The following FSCN2 variants were observed in gnomAD, a reference collection of about 807,000 sequenced individuals.
The protein encoded by FSCN2 is fascin actin-bundling protein 2, retinal.
FSCN2 carries 46 observed loss-of-function variants against 37.8 expected under a neutral mutation model. The observed-to-expected ratio is 1.22, with a 90% CI of 0.96 to 1.56. The LOEUF is 1.56. Ranked by LOEUF, FSCN2 falls within the 40% of genes most tolerant of loss-of-function variation. The pLI, the probability that FSCN2 is intolerant of heterozygous loss-of-function variation, is 0.00. For missense variants in FSCN2, 844 were observed against 730.4 expected, an observed-to-expected ratio of 1.16 and a Z score of -1.79; for synonymous variants, 351 against 309.4, an observed-to-expected ratio of 1.13 and a Z score of -1.41.
At position 81,528,543 on chromosome 17, in the gene FSCN2, C is replaced by T. The variant is rs782669868; in HGVS notation, c.12C>T (p.Asn4=). 1.3e-5 allele frequency: 20 copies of T among 1,595,820 alleles called. No homozygotes were observed. Among genetic ancestry groups the T allele is most frequent in the East Asian group, 2.3e-5 (1 of 43,986 alleles). The change falls in exon 1 of 5, where the codon AAC becomes AAT. Residue 4 remains asparagine, a synonymous_variant. Coordinates refer to ENST00000417245, the MANE Select transcript of FSCN2 (RefSeq NM_012418.4). ...CGGCCAGCCTGAAGATGCCGACGAACGGCCTGCACCAGGTGCTGAAGATCC... is the reference window on the plus strand; with the variant it reads ...CGGCCAGCCTGAAGATGCCGACGAATGGCCTGCACCAGGTGCTGAAGATCC... MPT[N]GLHQVLKIQF... is the part of the protein sequence containing the mutation.
At position 81,528,552 on chromosome 17, in the gene FSCN2, C is replaced by G. The variant is rs1296154486; in HGVS notation, c.21C>G (p.His7Gln). MPTNGL[H>Q]QVLKIQFGLV... ...TGAAGATGCCGACGAACGGCCTGCA[C>G]CAGGTGCTGAAGATCCAGTTTGGCC... is the stretch of plus-strand genomic sequence containing the variant. Residue 7 changes from histidine to glutamine, a missense_variant, in exon 1 of 5, where the codon CAC becomes CAG. By Grantham distance (24) the His-to-Gln change is conservative. Transcript: ENST00000417245. 1 of 1,602,596 alleles carries G rather than the reference C, an allele frequency of 6.2e-7. No individual in the cohort carries two copies. Among genetic ancestry groups the G allele is most frequent in the East Asian group, 2.3e-5 (1 of 44,318 alleles).
chr17:81,529,234 G>A lies in FSCN2; in HGVS notation c.703G>A (p.Ala235Thr), dbSNP rs199541595. The change falls in exon 1 of 5, where the codon GCA becomes ACA. Residue 235 changes from alanine to threonine, a missense_variant. Physicochemically the swap from Ala to Thr is moderately conservative, Grantham distance 58 (BLOSUM62 0). Transcript: ENST00000417245. ...DGHYLAPVGPAGTLKAGRNTR... is the reference protein window; with the variant it reads ...DGHYLAPVGPTGTLKAGRNTR... Reference sequence around the variant, plus strand: ...CCACTACCTGGCACCCGTGGGGCCCGCAGGCACCCTCAAGGCCGGCCGAAA... The same window carrying A: ...CCACTACCTGGCACCCGTGGGGCCCACAGGCACCCTCAAGGCCGGCCGAAA... 1.1e-4 allele frequency: 169 copies of A among 1,598,894 alleles called. No individual in the cohort carries two copies. The African/African-American group carries it at 1.6e-3, about 16-fold the overall frequency.
rs781847534 is a variant in FSCN2, at chr17:81,528,966, C to T, written c.435C>T (p.Ser145=). 1.3e-5 allele frequency: 21 copies of T among 1,587,610 alleles called. No individual in the cohort carries two copies. In the Admixed American group the frequency reaches 1.6e-4, roughly 12 times the overall value. The change falls in exon 1 of 5, where the codon AGC becomes AGT. Residue 145 remains serine, a synonymous_variant. Transcript: ENST00000417245. The stretch of plus-strand genomic sequence containing the variant: ...TCCACCCGCAGGCCCACCTGCTGAG[C>T]GTGAGCCGGCGGCGCTACGTGCACC... ...LAIHPQAHLL[S]VSRRRYVHLC...
At chr17:81,516,381 C>T in the FSCN2 span, among the ~76,000 whole-genome samples, 1 of 152,206 alleles carries the variant, frequency 6.6e-6, no homozygotes, top group Non-Finnish European at 1.5e-5. Flanking sequence ...GTTTAAAGTT[C>T]TCCCATAATA....
At chr17:81,527,069 G>A (rs1189625416), upstream of FSCN2, 1 of 152,326 alleles carries the variant, frequency 6.6e-6, no homozygotes, top group African/African-American at 2.4e-5. Flanking sequence ...GCCTGGCACG[G>A]TTGCTGTCCA....
At chr17:81,532,296 A>ATGATGGTGGTGATGATGATGT (rs1257464904) in intron 1 of FSCN2, among the ~76,000 whole-genome samples, 1 of 98,858 alleles carries the variant, frequency 1.0e-5, no homozygotes, top group African/African-American at 3.8e-5. Flanking sequence ...GGTGGTGATG[A>ATGATGGTGGTGATGATGATGT]TGATGATAGT....
At chr17:81,536,001 G>A (rs2032864696) in intron 2 of FSCN2, 145 bp from the exon 3 acceptor site, 1 of 994,600 alleles carries the variant, frequency 1.0e-6, no homozygotes, top group Non-Finnish European at 1.5e-6. Context: ...AGCCCACTGG[G>A]GCAGGGTAGC....
chr17:81,532,790 T>A (rs916573679), intron 1 of FSCN2, among the ~76,000 whole-genome samples: 1 of 121,028 alleles, frequency 8.3e-6, no homozygotes, highest in African/African-American at 3.2e-5. Context: ...GCTGACAGAG[T>A]GGTGGAGGGA....
intron 1 of FSCN2, among the ~76,000 whole-genome samples, chr17:81,531,636 G>A (rs1414166931): frequency 1.1e-3 from 124 of 116,392 alleles, no homozygotes; most frequent in African/African-American, 3.9e-3. Context: ...GGTGGTGATG[G>A]TGGTGGTGGT....
Position 81,531,824 on chromosome 17 carries a change from GGTGGTGGTGGTGA to G in FSCN2, c.826+2468_826+2480del, listed in dbSNP as rs2032640584. Among the ~76,000 whole-genome samples, 12 of 141,396 alleles carry G rather than the reference GGTGGTGGTGGTGA, an allele frequency of 8.5e-5. 1 individual carries two copies. The highest frequency in any genetic ancestry group is 3.1e-4 in the African/African-American group (11 of 35,328). The allele number at this position is 141,396 out of a possible 152,430, so 92.8% of individuals were successfully genotyped here. On this transcript the variant is annotated intron_variant, in intron 1 of 4. Coordinates refer to ENST00000417245, the MANE Select transcript of FSCN2 (RefSeq NM_012418.4). ...TAATGGTGATGATGGTGGTGGTGAT[GGTGGTGGTGGTGA>G]TGGTGGTGATGGTGATGGTGGTGAT...
chr17:81,519,541 C>T, the FSCN2 span, among the ~76,000 whole-genome samples: 4 of 152,184 alleles, frequency 2.6e-5, no homozygotes, highest in African/African-American at 4.8e-5. Flanking sequence ...CCGCTATCGC[C>T]GCGAGGCCGC....
chr17:81,526,933 C>A (rs782131399), upstream of FSCN2: 1 of 152,414 alleles, frequency 6.6e-6, no homozygotes, highest in Non-Finnish European at 1.5e-5. Context: ...CAGGCCCTGG[C>A]GTCGTGGCGT....
At chr17:81,532,017 GTGA>G (rs546490392) in intron 1 of FSCN2, among the ~76,000 whole-genome samples, 12 of 108,922 alleles carry the variant, frequency 1.1e-4, no homozygotes, top group African/African-American at 2.4e-4. Flanking sequence ...GGTAGTGGTG[GTGA>G]TGATAGTGAT....
chr17:81,530,107 G>A, intron 1 of FSCN2: 2 of 270,968 alleles, frequency 7.4e-6, no homozygotes, highest in Non-Finnish European at 1.5e-5. Context: ...ACCGTGCCCG[G>A]CTGCATTTTC....
At chr17:81,531,327 G>GTGGTGA (rs879999741) in intron 1 of FSCN2, among the ~76,000 whole-genome samples, 50,221 of 103,490 alleles carry the variant, frequency 0.49, 11,458 homozygotes, top group East Asian at 0.68. Flanking sequence ...GATGATGGTG[G>GTGGTGA]TGGTGGTGAT....
intron 1 of FSCN2, among the ~76,000 whole-genome samples, chr17:81,531,948 ATGATGGTGATGG>A (rs1278270987): frequency 9.4e-6 from 1 of 106,366 alleles, no homozygotes. Flanking sequence ...AATGGTGATG[ATGATGGTGATGG>A]TGATAGTGAT....
the FSCN2 span, among the ~76,000 whole-genome samples, chr17:81,517,072 G>A: frequency 1.3e-5 from 2 of 152,096 alleles, no homozygotes; most frequent in Admixed American, 6.5e-5. Context: ...GGTTCTGGAG[G>A]GCGGTGTGGG....
At chr17:81,532,143 ATGG>A (rs1433083975) in intron 1 of FSCN2, among the ~76,000 whole-genome samples, 5 of 131,330 alleles carry the variant, frequency 3.8e-5, no homozygotes, top group East Asian at 2.5e-4. Context: ...GATGGTGATG[ATGG>A]TGATGGTGAT....
intron 1 of FSCN2, chr17:81,530,175 G>A (rs1555671054): frequency 3.5e-6 from 1 of 285,260 alleles, no homozygotes; most frequent in Non-Finnish European, 7.0e-6. Flanking sequence ...TGGGGATCGG[G>A]CGGGGATAGC....
Sources: gnomAD v4.1 joint callset for allele counts (sites outside exome capture counted in the v4.1 genomes callset) on GRCh38, gnomAD v4.1.1 for gene constraint, MANE v1.5 for transcripts, NCBI Gene and HGNC (gene_info 2026-07-23, HGNC 2026-07-21) for gene names.